The following ABLIM1 variants were observed in gnomAD, a reference collection of about 807,000 sequenced individuals.
ABLIM1 encodes the protein actin-binding LIM protein 1.
In ABLIM1, 40 loss-of-function variants were observed where a neutral mutation model predicts 107.0. The ratio of observed to expected loss-of-function variants is 0.37; its 90% CI spans 0.29 to 0.49. The LOEUF (loss-of-function observed/expected upper bound fraction) is 0.49. Among genes scored for constraint, ABLIM1 ranks in the 20% least tolerant of loss-of-function variants. The pLI is 0.97. For missense variants in ABLIM1, 857 were observed against 1,008.5 expected (o/e 0.85, Z 2.04); for synonymous variants, 357 against 357.3 (o/e 1.00, Z 0.01).
chr10:114,788,446 G>T, the ABLIM1 span, among the ~76,000 whole-genome samples: 1 of 151,872 alleles, frequency 6.6e-6, no homozygotes, highest in Non-Finnish European at 1.5e-5. Context: ...ATCTAGTAGG[G>T]ACTGGGCAAG....
At chr10:114,593,604 A>G (rs2075130902) in intron 2 of ABLIM1, among the ~76,000 whole-genome samples, 1 of 152,162 alleles carries the variant, frequency 6.6e-6, no homozygotes, top group Admixed American at 6.6e-5. Context: ...AGAGGCAGAC[A>G]TTATCTTTAT....
upstream of ABLIM1, among the ~76,000 whole-genome samples, chr10:114,662,250 T>C (rs550305231): frequency 6.6e-6 from 1 of 152,318 alleles, no homozygotes; most frequent in Non-Finnish European, 1.5e-5. Flanking sequence ...TGTTGTTTTT[T>C]AATCAAAATG....
chr10:114,480,563 C>G (rs1261453706), intron 8 of ABLIM1, among the ~76,000 whole-genome samples: 3 of 152,142 alleles, frequency 2.0e-5, no homozygotes, highest in African/African-American at 7.2e-5. Flanking sequence ...CCATCTTTGG[C>G]ATGGAGGTGG....
chr10:114,491,037 T>C (rs2135072206), intron 7 of ABLIM1, among the ~76,000 whole-genome samples: 1 of 143,354 alleles, frequency 7.0e-6, no homozygotes, highest in Non-Finnish European at 1.5e-5. Context: ...GTCTATTTTA[T>C]ATATATATAT....
intron 4 of ABLIM1, among the ~76,000 whole-genome samples, chr10:114,566,137 AC>A (rs2070715637): frequency 6.6e-6 from 1 of 152,114 alleles, no homozygotes; most frequent in African/African-American, 2.4e-5. Flanking sequence ...TTGTCTTGAT[AC>A]CTGTAGGAGT....
intron 1 of ABLIM1, among the ~76,000 whole-genome samples, chr10:114,677,396 T>C (rs2080534410): frequency 6.6e-6 from 1 of 152,208 alleles, no homozygotes; most frequent in Non-Finnish European, 1.5e-5. Flanking sequence ...GCATTAAGCC[T>C]CTTATCCAAG....
At chr10:114,562,160 A>G (rs1204514001) in intron 4 of ABLIM1, among the ~76,000 whole-genome samples, 4 of 152,208 alleles carry the variant, frequency 2.6e-5, no homozygotes, top group African/African-American at 9.7e-5. Flanking sequence ...CTATATGTTC[A>G]GAAAAGTGTA....
chr10:114,513,908 A>G (rs1028079423), intron 6 of ABLIM1, among the ~76,000 whole-genome samples: 2 of 152,162 alleles, frequency 1.3e-5, no homozygotes, highest in South Asian at 2.1e-4. Context: ...TCCAAGATAC[A>G]TATACTCCTG....
rs568063593 is a variant in ABLIM1 at position 114,629,927 on chromosome 10, T to A, written c.245-27966A>T. 3.4e-4 allele frequency among the ~76,000 whole-genome samples: 51 copies of A among 152,154 alleles called. No individual in the cohort carries two copies. The highest frequency in any genetic ancestry group is 1.2e-3 in the African/African-American group (48 of 41,518). ...TGAGGTCAGTGCAATCAGAAAGCAG[T>A]GGTGTGGACTGGCACAGACCTCAAA... On this transcript the variant is annotated intron_variant, in intron 1 of 22. Transcript: ENST00000533213. This position sits in a 1 kb window ranked among gnomAD's most constrained non-coding sequence, Gnocchi z 4.0.
chr10:114,454,943 C>T (rs1387152631), intron 12 of ABLIM1, among the ~76,000 whole-genome samples: 1 of 152,120 alleles, frequency 6.6e-6, no homozygotes, highest in Non-Finnish European at 1.5e-5. Context: ...TTCTTTGAAG[C>T]ACAAAAGTTT....
rs116218381 is a variant in ABLIM1 at position 114,539,070 on chromosome 10, G to A, written c.894+5935C>T. On this transcript the variant is annotated intron_variant, in intron 6 of 22. Coordinates refer to ENST00000533213, the MANE Select transcript of ABLIM1 (RefSeq NM_002313.7). ...TTCAACCTCTATCTAATCCAAAGAG[G>A]TATGGGGCTGGGCGCAGTGGCTCAC... is the stretch of plus-strand genomic sequence containing the variant. 2.6e-3 allele frequency among the ~76,000 whole-genome samples: 391 copies of A among 152,318 alleles called. 4 individuals are homozygous for A. The highest frequency in any genetic ancestry group is 9.2e-3 in the African/African-American group (384 of 41,574).
chr10:114,443,189 T>C (rs542285076), intron 17 of ABLIM1, among the ~76,000 whole-genome samples: 1 of 152,330 alleles, frequency 6.6e-6, no homozygotes, highest in African/African-American at 2.4e-5. Flanking sequence ...TAAGAGAGAA[T>C]TGGCTTATGA....
upstream of ABLIM1, among the ~76,000 whole-genome samples, chr10:114,771,346 G>C (rs1355853188): frequency 1.3e-5 from 2 of 152,114 alleles, no homozygotes; most frequent in African/African-American, 4.8e-5. Context: ...AATACTGTTA[G>C]GCACATAGCA....
At chr10:114,540,675 T>C (rs964015094) in intron 6 of ABLIM1, among the ~76,000 whole-genome samples, 2 of 152,180 alleles carry the variant, frequency 1.3e-5, no homozygotes, top group African/African-American at 4.8e-5. Context: ...CATTGTCCAG[T>C]GACCTTTCTC....
chr10:114,518,522 T>G (rs2136322290), intron 6 of ABLIM1, among the ~76,000 whole-genome samples: 1 of 151,760 alleles, frequency 6.6e-6, no homozygotes, highest in African/African-American at 2.4e-5. Flanking sequence ...CCAATAAAGC[T>G]TAGGGAGTAA....
the ABLIM1 span, chr10:114,778,615 ACAT>A: frequency 1.5e-5 from 2 of 130,362 alleles, no homozygotes; most frequent in African/African-American, 7.4e-5. Context: ...ACACACACAT[ACAT>A]TTTAACAATA....
intron 2 of ABLIM1, among the ~76,000 whole-genome samples, chr10:114,601,284 G>C (rs562732502): frequency 7.0e-6 from 1 of 142,466 alleles, no homozygotes; most frequent in Non-Finnish European, 1.5e-5. Flanking sequence ...TTTTTTTTAA[G>C]ACGGAGTCTC....
chr10:114,615,523 T>C (rs1438045171), intron 1 of ABLIM1: 2 of 459,152 alleles, frequency 4.4e-6, no homozygotes, highest in African/African-American at 4.0e-5. Context: ...TATTTCTTTT[T>C]TCTTTTCCAT....
At chr10:114,639,544 T>A (rs1372037838) in intron 1 of ABLIM1, among the ~76,000 whole-genome samples, 1 of 152,180 alleles carries the variant, frequency 6.6e-6, no homozygotes, top group African/African-American at 2.4e-5. Flanking sequence ...GCACATTGTT[T>A]TCTCTGTCTG....
Sources: allele counts gnomAD v4.1 joint callset (sites outside exome capture counted in the v4.1 genomes callset), GRCh38; gene constraint gnomAD v4.1.1; non-coding constraint Gnocchi (gnomAD v3.1); transcripts MANE v1.5; gene names NCBI Gene and HGNC (gene_info 2026-07-23, HGNC 2026-07-21).